The following ACACB variants were observed in gnomAD, a reference collection of about 807,000 sequenced individuals.
ACACB encodes the protein acetyl-CoA carboxylase beta, also known as acetyl-CoA carboxylase 2.
Under a neutral mutation model 278.8 loss-of-function variants are expected in ACACB, and 209 were observed. The observed-to-expected ratio is 0.75, with a 90% CI of 0.67 to 0.84. The LOEUF is 0.84. ACACB is among the 40% of genes least tolerant of loss of function. The pLI is 0.00. For missense variants in ACACB, 2,850 were observed against 3,269.0 expected (o/e 0.87, Z 3.13); for synonymous variants, 1,174 against 1,285.6 (o/e 0.91, Z 1.86).
Position 109,174,148 on chromosome 12 carries a change from C to T in ACACB, c.1134C>T (p.Ala378=), listed in dbSNP as rs759562549. ...GVAFLGPPSE[A]MWALGDKIAS... is the part of the protein sequence containing the mutation. ...ATTCCTCAGGCCCTCCCAGTGAGGC[C>T]ATGTGGGCCTTAGGAGATAAGATCG... is the stretch of plus-strand genomic sequence containing the variant. Residue 378 remains alanine (A), a synonymous_variant, in exon 7 of 53, where the codon GCC becomes GCT. Coordinates refer to ENST00000338432, the MANE Select transcript of ACACB (RefSeq NM_001093.4). 1.6e-5 allele frequency: 26 copies of T among 1,612,006 alleles called. No homozygotes were observed. The highest frequency in any genetic ancestry group is 2.0e-5 in the Non-Finnish European group (24 of 1,179,328).
At chr12:109,240,350 GCAGA>G (rs1187793667) in intron 35 of ACACB, among the ~76,000 whole-genome samples, 2 of 152,016 alleles carry the variant, frequency 1.3e-5, no homozygotes, top group Non-Finnish European at 2.9e-5. Context: ...CTCTTCACGA[GCAGA>G]CAGACTTTTA....
upstream of ACACB, among the ~76,000 whole-genome samples, chr12:109,114,044 G>C (rs1368801727): frequency 6.6e-6 from 1 of 152,022 alleles, no homozygotes; most frequent in African/African-American, 2.4e-5. Flanking sequence ...CAGTGACTCA[G>C]TCATGGCTCA....
intron 19 of ACACB, 22 bp from the exon 20 acceptor site, chr12:109,206,688 C>T (rs373870661): frequency 4.9e-5 from 79 of 1,612,634 alleles, no homozygotes; most frequent in Non-Finnish European, 6.0e-5. Context: ...CCTGACCTGT[C>T]GTTCTTGTGG....
Position 109,247,619 on chromosome 12 carries a change from T to C in ACACB, c.5585T>C (p.Leu1862Pro), listed in dbSNP as rs1296546691. The C allele has an allele frequency of 6.2e-7, 1 of 1,613,196 alleles. No homozygotes were observed. Among genetic ancestry groups the C allele is most frequent in the East Asian group, 2.2e-5 (1 of 44,826 alleles). ...GTATTTTTTAAGGGATTTAAATACC[T>C]GTACCTGACTCCCCAAGACTACACC... Reference protein sequence around the residue: ...PEDPHKGFKYLYLTPQDYTRI... With the variant: ...PEDPHKGFKYPYLTPQDYTRI... The change falls in exon 40 of 53, where the codon CTG (leucine) becomes CCG (proline). Residue 1862 changes from leucine to proline, a missense_variant. Physicochemically the swap from Leu to Pro is moderately conservative, Grantham distance 98. Around this residue, in one of 3 missense-constraint regions of ACACB, gnomAD observed 2,265 missense variants for 2,561.3 expected, o/e 0.88. Coordinates refer to ENST00000338432, the MANE Select transcript of ACACB (RefSeq NM_001093.4).
At chr12:109,189,671 C>T (rs1465698633) in intron 13 of ACACB, among the ~76,000 whole-genome samples, 1 of 152,216 alleles carries the variant, frequency 6.6e-6, no homozygotes, top group Non-Finnish European at 1.5e-5. Context: ...CTCTCATACC[C>T]AGCTTCCAGA....
chr12:109,249,003 C>G (rs1004801817), intron 40 of ACACB: 2 of 152,188 alleles, frequency 1.3e-5, no homozygotes, highest in African/African-American at 4.8e-5. Flanking sequence ...AGCCCCTGAA[C>G]AGGCAGATAT....
chr12:109,176,260 A>C lies in ACACB; in HGVS notation c.1434A>C (p.Arg478Ser), dbSNP rs780070984. ...CGGAGGACTTCCCGATCCTTTTCAG[A>C]CAAGTGAGCAGTTCTTGCTGTGTCT... is the stretch of plus-strand genomic sequence containing the variant. ...ESAEDFPILF[R>S]QVQSEIPGSP... Residue 478 changes from arginine (R) to serine (S), a missense_variant, in exon 9 of 53, where the codon AGA becomes AGC. Around this residue, in one of 3 missense-constraint regions of ACACB, gnomAD observed 2,265 missense variants for 2,561.3 expected, o/e 0.88. Transcript: ENST00000338432. 1 of 1,613,608 alleles carries C rather than the reference A, an allele frequency of 6.2e-7. No individual in the cohort carries two copies. The highest frequency in any genetic ancestry group is 1.1e-5 in the South Asian group (1 of 91,066).
intron 1 of ACACB, among the ~76,000 whole-genome samples, chr12:109,138,299 A>C (rs988086258): frequency 2.6e-5 from 4 of 152,278 alleles, no homozygotes; most frequent in Non-Finnish European, 5.9e-5. Flanking sequence ...AGAGATTGGA[A>C]TACCTGGGTT....
chr12:109,252,271 C>T, intron 42 of ACACB, 115 bp downstream of exon 42: 1 of 671,982 alleles, frequency 1.5e-6, no homozygotes. Flanking sequence ...TTCATTCCTA[C>T]TGATACAAGA....
At position 109,179,988 on chromosome 12, in the gene ACACB, T is replaced by C. The variant is rs151000936; in HGVS notation, c.1719T>C (p.Asp573=). The stretch of plus-strand genomic sequence containing the variant: ...CAGTGGAATACCTCTATAGTCAGGA[T>C]GGCAGCTTCCACTTCTTGGAGCTGA... ...AGTVEYLYSQ[D]GSFHFLELNP... Residue 573 remains aspartate (D), a synonymous_variant, in exon 11 of 53, where the codon GAT becomes GAC. Coordinates refer to ENST00000338432, the MANE Select transcript of ACACB (RefSeq NM_001093.4). The C allele has an allele frequency of 1.4e-5, 23 of 1,613,978 alleles. No individual in the cohort carries two copies. In the African/African-American group the frequency reaches 2.9e-4, roughly 21 times the overall value.
At chr12:109,113,706 T>C (rs1393786713), upstream of ACACB, among the ~76,000 whole-genome samples, 2 of 152,256 alleles carry the variant, frequency 1.3e-5, no homozygotes, top group Admixed American at 6.5e-5. Flanking sequence ...TTCGCAAGTA[T>C]GTTTGGTGGA....
chr12:109,185,503 C>G (rs991465827), intron 11 of ACACB, 76 bp from the exon 12 acceptor site: 1 of 1,524,214 alleles, frequency 6.6e-7, no homozygotes, highest in African/African-American at 1.4e-5. Flanking sequence ...TCCGTTGCAT[C>G]TACCACTGTG....
At chr12:109,256,439 G>A (rs1486698838) in intron 45 of ACACB, among the ~76,000 whole-genome samples, 4 of 152,142 alleles carry the variant, frequency 2.6e-5, no homozygotes, top group Non-Finnish European at 5.9e-5. Flanking sequence ...CCTGAGGCCT[G>A]GGACCCTGTA....
Position 109,212,869 on chromosome 12 carries a change from C to G in ACACB, c.3283C>G (p.Leu1095Val). Reference protein sequence around the residue: ...ATILDCHAATLQRKADREVFF... With the variant: ...ATILDCHAATVQRKADREVFF... ...CATCCTGGACTGCCATGCAGCCACC[C>G]TGCAGCGGAAGGCTGATCGAGAGGT... The change falls in exon 22 of 53, where the codon CTG (leucine) becomes GTG (valine). Residue 1095 changes from leucine to valine, a missense_variant. This residue lies in a region of ACACB where 2,265 missense variants were observed against 2,561.3 expected (regional missense o/e 0.88). Transcript: ENST00000338432. The G allele has an allele frequency of 6.2e-7, 1 of 1,614,158 alleles. No homozygotes were observed. Among genetic ancestry groups the G allele is most frequent in the Non-Finnish European group, 8.5e-7 (1 of 1,180,012 alleles).
At chr12:109,159,248 G>A (rs892143614) in intron 2 of ACACB, among the ~76,000 whole-genome samples, 3 of 152,192 alleles carry the variant, frequency 2.0e-5, no homozygotes, top group Non-Finnish European at 2.9e-5. Context: ...TTGCTTTCTT[G>A]TTTGGAAGTA....
Position 109,193,677 on chromosome 12 carries a change from T to C in ACACB, c.2429T>C (p.Leu810Pro), listed in dbSNP as rs763677490. ...CAGGTCCTCCCAGCGGATTCACTACTGAACCTCGTAGATGTGGAATTAATT... is the reference window on the plus strand; with the variant it reads ...CAGGTCCTCCCAGCGGATTCACTACCGAACCTCGTAGATGTGGAATTAATT... ...RGQVLPADSLLNLVDVELIYG... is the reference protein window; with the variant it reads ...RGQVLPADSLPNLVDVELIYG... The change falls in exon 16 of 53, where the codon CTG becomes CCG. Residue 810 changes from leucine to proline, a missense_variant. Coordinates refer to ENST00000338432, the MANE Select transcript of ACACB (RefSeq NM_001093.4). 6 of 1,613,998 alleles carry C rather than the reference T, an allele frequency of 3.7e-6. No homozygotes were observed. The South Asian group carries it at 6.6e-5, about 18-fold the overall frequency.
intron 3 of ACACB, among the ~76,000 whole-genome samples, chr12:109,167,609 AT>A (rs1254521292): frequency 5.7e-5 from 7 of 122,186 alleles, no homozygotes; most frequent in East Asian, 2.6e-4. Context: ...AAAAAAAAAA[AT>A]ATATGTATGT....
At chr12:109,180,855 T>A (rs1022063850) in intron 11 of ACACB, among the ~76,000 whole-genome samples, 1 of 152,356 alleles carries the variant, frequency 6.6e-6, no homozygotes, top group South Asian at 2.1e-4. Context: ...AATTTTAAAA[T>A]GTACAATAAA....
intron 24 of ACACB, 87 bp from the exon 25 acceptor site, chr12:109,222,420 C>A: frequency 8.1e-7 from 1 of 1,235,710 alleles, no homozygotes; most frequent in Non-Finnish European, 1.2e-6. Flanking sequence ...CTGGCTTTTG[C>A]GGCAGGTGCT....
Sources: allele counts gnomAD v4.1 joint callset (sites outside exome capture counted in the v4.1 genomes callset), GRCh38; gene constraint gnomAD v4.1.1; regional missense constraint gnomAD v4.1.1; transcripts MANE v1.5; gene names NCBI Gene and HGNC (gene_info 2026-07-23, HGNC 2026-07-21).